The following PCDH11X variants were observed in gnomAD, a reference collection of about 807,000 sequenced individuals.
PCDH11X encodes protocadherin 11 X-linked, also known as protocadherin-11 X-linked.
Under a neutral mutation model 53.3 loss-of-function variants are expected in PCDH11X, and 18 were observed. The ratio of observed to expected loss-of-function variants is 0.34; its 90% CI spans 0.23 to 0.50. PCDH11X has a LOEUF of 0.50. Among genes scored for constraint, PCDH11X ranks in the 20% least tolerant of loss-of-function variants. The pLI is 0.98. For missense variants in PCDH11X, 570 were observed against 1,032.4 expected (o/e 0.55, Z 6.14); for synonymous variants, 279 against 393.3 (o/e 0.71, Z 3.44).
intron 7 of PCDH11X, among the ~76,000 whole-genome samples, chrX:92,220,329 A>G (rs1006338149): frequency 1.1e-5 from 1 of 89,860 alleles, no homozygotes; most frequent in African/African-American, 4.2e-5. Context: ...TAGAATCTAC[A>G]ATGAACTCAA....
At chrX:91,886,227 G>A (rs1029911393) in intron 6 of PCDH11X, among the ~76,000 whole-genome samples, 2 of 111,142 alleles carry the variant, frequency 1.8e-5, no homozygotes, top group African/African-American at 6.5e-5. Flanking sequence ...CATCGACTAC[G>A]GGAATATTCT....
intron 1 of PCDH11X, among the ~76,000 whole-genome samples, chrX:91,802,021 C>T (rs1287693592): frequency 8.8e-6 from 1 of 113,381 alleles, no homozygotes; most frequent in African/African-American, 3.2e-5. Flanking sequence ...ACTGCCCTTA[C>T]GGCAAGTGGG....
At chrX:92,369,787 G>A (rs1001799046) in intron 8 of PCDH11X, among the ~76,000 whole-genome samples, 18 of 111,121 alleles carry the variant, frequency 1.6e-4, no homozygotes, top group Non-Finnish European at 3.0e-4. Context: ...CAGGTGAAGC[G>A]ATGCCCCACC....
At chrX:92,262,947 A>C in intron 7 of PCDH11X, 167 bp from the exon 8 acceptor site, 1 of 628,234 alleles carries the variant, frequency 1.6e-6, no homozygotes, top group Non-Finnish European at 1.9e-6. Context: ...AGGAGATGAA[A>C]GTAGTTTCAG....
rs753165626 is a variant in PCDH11X, at chrX:92,258,055, TG to T, written c.3115-5058del. On this transcript the variant is annotated intron_variant, in intron 7 of 10. Coordinates refer to ENST00000682573, the MANE Select transcript of PCDH11X (RefSeq NM_032968.5). ...GTAGTGGCTCTCAAGTCTCAACTTT[TG>T]CACTCAGTGTACCTGCAGGCTTACC... 3.6e-5 allele frequency among the ~76,000 whole-genome samples: 4 copies of T among 112,209 alleles called. No homozygotes were observed. In the East Asian group the frequency reaches 1.1e-3, roughly 32 times the overall value.
At chrX:92,260,486 C>T (rs576282959) in intron 7 of PCDH11X, among the ~76,000 whole-genome samples, 18 of 111,128 alleles carry the variant, frequency 1.6e-4, no homozygotes, top group African/African-American at 3.9e-4. Context: ...GTAGCATCAG[C>T]GATTCAGGAC....
chrX:92,419,950 A>C (rs1356954925), intron 9 of PCDH11X, among the ~76,000 whole-genome samples: 2 of 110,501 alleles, frequency 1.8e-5, no homozygotes, highest in African/African-American at 6.6e-5. Context: ...AAAATGTTAG[A>C]ATTACAGGCG....
intron 10 of PCDH11X, among the ~76,000 whole-genome samples, chrX:92,604,770 T>A (rs1451745948): frequency 9.2e-6 from 1 of 109,041 alleles, no homozygotes; most frequent in East Asian, 2.8e-4. Context: ...GTAAGAATCA[T>A]GAGAAAGCTG....
intron 10 of PCDH11X, among the ~76,000 whole-genome samples, chrX:92,580,536 T>G (rs1379956402): frequency 9.1e-6 from 1 of 110,108 alleles, no homozygotes; most frequent in African/African-American, 3.3e-5. Context: ...ACAGCCACTG[T>G]GCGGTGCTGT....
chrX:91,956,803 T>C (rs1364685122), intron 6 of PCDH11X, among the ~76,000 whole-genome samples: 1 of 107,375 alleles, frequency 9.3e-6, no homozygotes, highest in Non-Finnish European at 1.9e-5. Flanking sequence ...TGTTGGCCTG[T>C]CTTGCTAGGT....
At chrX:92,099,804 A>C (rs748392101) in intron 6 of PCDH11X, among the ~76,000 whole-genome samples, 2 of 111,026 alleles carry the variant, frequency 1.8e-5, no homozygotes, top group Admixed American at 1.9e-4. Context: ...TATGCTAAAA[A>C]TTGTTGGGGA....
At position 92,210,324 on chromosome X, in the gene PCDH11X, C is replaced by T. The variant is rs577240766; in HGVS notation, c.3114+8869C>T. On this transcript the variant is annotated intron_variant, in intron 7 of 10. Transcript: ENST00000682573. ...TGCGATCTCAGCTCACTGCAAGCTC[C>T]GCTTCCCAGGTTCATACCATTCTCC... Among the ~76,000 whole-genome samples the T allele has an allele frequency of 2.5e-4, 25 of 99,649 alleles. No individual in the cohort carries two copies. The South Asian group carries it at 8.3e-3, about 33-fold the overall frequency. 86.5% of individuals were successfully genotyped at this position (99,649 alleles called of 115,157 possible). A position where few individuals can be genotyped will look rare whatever the true frequency, so the allele number is the denominator to read the frequency against.
chrX:92,038,568 A>C (rs1205826079), intron 6 of PCDH11X, among the ~76,000 whole-genome samples: 1 of 112,231 alleles, frequency 8.9e-6, no homozygotes, highest in Non-Finnish European at 1.9e-5. Context: ...AGTTTGCTGC[A>C]GGGGCAGGGC....
chrX:92,269,695 G>A (rs766867350), intron 8 of PCDH11X, among the ~76,000 whole-genome samples: 2 of 108,533 alleles, frequency 1.8e-5, no homozygotes. Flanking sequence ...ATATGTAAAA[G>A]TCATTTGTCA....
At chrX:92,224,555 G>T (rs2066936596) in intron 7 of PCDH11X, among the ~76,000 whole-genome samples, 1 of 111,292 alleles carries the variant, frequency 9.0e-6, no homozygotes, top group South Asian at 3.8e-4. Context: ...ACAAGACTGT[G>T]TTCATGTATG....
At chrX:92,375,351 TGTA>T (rs2148557997) in intron 8 of PCDH11X, among the ~76,000 whole-genome samples, 1 of 97,397 alleles carries the variant, frequency 1.0e-5, no homozygotes, top group African/African-American at 3.8e-5. Context: ...AATTTTTTTT[TGTA>T]GTTTTAGTAG....
chrX:92,403,856 T>A (rs892336174), intron 9 of PCDH11X, among the ~76,000 whole-genome samples: 5 of 111,174 alleles, frequency 4.5e-5, no homozygotes, highest in African/African-American at 1.6e-4. Flanking sequence ...GATTTAAAAA[T>A]TTTCCTAGTT....
intron 6 of PCDH11X, among the ~76,000 whole-genome samples, chrX:91,901,617 T>C (rs373189576): frequency 1.1e-3 from 127 of 110,935 alleles, no homozygotes; most frequent in African/African-American, 4.0e-3. Context: ...ATATGACTTA[T>C]TATGTGATTT....
chrX:92,413,030 CA>C (rs1296872715), intron 9 of PCDH11X, among the ~76,000 whole-genome samples: 1 of 90,729 alleles, frequency 1.1e-5, no homozygotes, highest in African/African-American at 4.1e-5. Context: ...AGCACAGAGC[CA>C]AAATTGTGGC....
Sources: allele counts gnomAD v4.1 joint callset (sites outside exome capture counted in the v4.1 genomes callset), GRCh38; gene constraint gnomAD v4.1.1; transcripts MANE v1.5; gene names NCBI Gene and HGNC (gene_info 2026-07-23, HGNC 2026-07-21).